Variants in KHDRBS2 observed in about 807,000 individuals in gnomAD.
KHDRBS2 encodes KH domain-containing, RNA-binding, signal transduction-associated protein 2.
Under a neutral mutation model 44.3 loss-of-function variants are expected in KHDRBS2, and 26 were observed. The ratio of observed to expected loss-of-function variants is 0.59; its 90% CI spans 0.43 to 0.81. The LOEUF (loss-of-function observed/expected upper bound fraction) is 0.81. KHDRBS2 is among the 40% of genes least tolerant of loss of function. The pLI, the probability that KHDRBS2 is intolerant of heterozygous loss-of-function variation, is 0.00. For missense variants in KHDRBS2, 476 were observed against 433.1 expected, an observed-to-expected ratio of 1.10 and a Z score of -0.88; for synonymous variants, 194 against 151.1, an observed-to-expected ratio of 1.28 and a Z score of -2.08.
chr6:62,123,019 T>G (rs1009351314), intron 2 of KHDRBS2, among the ~76,000 whole-genome samples: 4 of 151,880 alleles, frequency 2.6e-5, no homozygotes, highest in African/African-American at 9.7e-5. Flanking sequence ...AGATTTACAT[T>G]AAGTGTTTCT....
intron 6 of KHDRBS2, among the ~76,000 whole-genome samples, chr6:61,889,417 A>G (rs1177692343): frequency 6.6e-6 from 1 of 152,222 alleles, no homozygotes; most frequent in Non-Finnish European, 1.5e-5. Context: ...ATTCATTTCA[A>G]CAAACAGTGT....
At chr6:62,150,444 G>A (rs575106099) in intron 2 of KHDRBS2, among the ~76,000 whole-genome samples, 1 of 152,036 alleles carries the variant, frequency 6.6e-6, no homozygotes, top group African/African-American at 2.4e-5. Flanking sequence ...TTTTGTAAGC[G>A]GCCACTGATC....
the KHDRBS2 span, among the ~76,000 whole-genome samples, chr6:61,548,157 T>G: frequency 1.9e-3 from 296 of 152,270 alleles, 2 homozygotes; most frequent in African/African-American, 6.8e-3. Context: ...AAATGGATTC[T>G]GAAAATACAT....
the KHDRBS2 span, among the ~76,000 whole-genome samples, chr6:61,561,465 G>C: frequency 3.9e-5 from 6 of 152,168 alleles, no homozygotes; most frequent in Admixed American, 3.3e-4. Context: ...GGCAAGTTCA[G>C]AGATGCTGTC....
chr6:62,188,358 T>C (rs895975397), intron 1 of KHDRBS2, among the ~76,000 whole-genome samples: 2 of 152,286 alleles, frequency 1.3e-5, no homozygotes, highest in African/African-American at 4.8e-5. Context: ...TTTGCTTCCA[T>C]GCATTTGACT....
At chr6:61,907,728 A>G (rs1284759476) in intron 4 of KHDRBS2, among the ~76,000 whole-genome samples, 1 of 152,082 alleles carries the variant, frequency 6.6e-6, no homozygotes, top group Middle Eastern at 3.2e-3. Context: ...AACATATACA[A>G]TTTTCTAAAC....
chr6:61,585,921 A>G, the KHDRBS2 span, among the ~76,000 whole-genome samples: 3 of 152,140 alleles, frequency 2.0e-5, no homozygotes, highest in South Asian at 6.2e-4. Context: ...AAATTAGAGA[A>G]CAATTAACTT....
intron 6 of KHDRBS2, among the ~76,000 whole-genome samples, chr6:61,735,378 T>G (rs140113738): frequency 6.6e-6 from 1 of 152,282 alleles, no homozygotes; most frequent in Non-Finnish European, 1.5e-5. Flanking sequence ...AAATGTATTA[T>G]TATTACTCCT....
intron 2 of KHDRBS2, among the ~76,000 whole-genome samples, chr6:62,089,954 A>T (rs1406072297): frequency 2.0e-5 from 3 of 152,118 alleles, no homozygotes; most frequent in Non-Finnish European, 2.9e-5. Context: ...AGGCCAAGGA[A>T]CTGCAACGTC....
At chr6:61,814,641 G>A (rs1788627225) in intron 6 of KHDRBS2, among the ~76,000 whole-genome samples, 1 of 151,998 alleles carries the variant, frequency 6.6e-6, no homozygotes, top group African/African-American at 2.4e-5. Flanking sequence ...ACTATATATA[G>A]TGTTAATATG....
chr6:62,059,179 C>G (rs925003182), intron 2 of KHDRBS2, among the ~76,000 whole-genome samples: 21 of 118,958 alleles, frequency 1.8e-4, no homozygotes, highest in African/African-American at 6.2e-5. Context: ...AAATTATTTC[C>G]ACATAGAAAA....
intron 6 of KHDRBS2, among the ~76,000 whole-genome samples, chr6:61,794,429 G>T (rs1319846560): frequency 2.6e-5 from 4 of 152,136 alleles, no homozygotes; most frequent in African/African-American, 9.7e-5. Flanking sequence ...TGGCATGTTA[G>T]CCAGCTGTAT....
At chr6:62,208,541 T>A (rs1444671718) in intron 1 of KHDRBS2, among the ~76,000 whole-genome samples, 1 of 152,200 alleles carries the variant, frequency 6.6e-6, no homozygotes, top group African/African-American at 2.4e-5. Context: ...GCAATGAACA[T>A]GGGAATGCAG....
intron 3 of KHDRBS2, among the ~76,000 whole-genome samples, chr6:62,022,417 C>G (rs1782519553): frequency 6.6e-6 from 1 of 151,550 alleles, no homozygotes; most frequent in Non-Finnish European, 1.5e-5. Flanking sequence ...AATGGTAAAA[C>G]TGGAGAGTGT....
chr6:62,151,909 T>C (rs1815284443), intron 2 of KHDRBS2, among the ~76,000 whole-genome samples: 2 of 152,238 alleles, frequency 1.3e-5, no homozygotes, highest in Non-Finnish European at 2.9e-5. Flanking sequence ...AATATAAGTA[T>C]GTGGTCTGGA....
intron 1 of KHDRBS2, among the ~76,000 whole-genome samples, chr6:62,278,349 G>A (rs1841304120): frequency 6.6e-6 from 1 of 151,966 alleles, no homozygotes; most frequent in Admixed American, 6.6e-5. Context: ...GCTGCTGTGG[G>A]AACAAACAGC....
intron 7 of KHDRBS2, among the ~76,000 whole-genome samples, chr6:61,723,691 C>T (rs1433106568): frequency 6.6e-6 from 1 of 151,936 alleles, no homozygotes; most frequent in Non-Finnish European, 1.5e-5. Context: ...TCAGAAGTAT[C>T]AATAGCAGAA....
chr6:61,841,786 C>T (rs1372423341), intron 6 of KHDRBS2, among the ~76,000 whole-genome samples: 2 of 152,108 alleles, frequency 1.3e-5, no homozygotes, highest in African/African-American at 2.4e-5. Context: ...GCTACCAGGG[C>T]ACAACGCTTT....
At chr6:62,239,664 A>G (rs1834273583) in intron 1 of KHDRBS2, among the ~76,000 whole-genome samples, 1 of 152,082 alleles carries the variant, frequency 6.6e-6, no homozygotes, top group Non-Finnish European at 1.5e-5. Flanking sequence ...TGACAGGTGT[A>G]TATTTCTTAA....
Sources: allele counts gnomAD v4.1 joint callset (sites outside exome capture counted in the v4.1 genomes callset), GRCh38; gene constraint gnomAD v4.1.1; transcripts MANE v1.5; gene names NCBI Gene and HGNC (gene_info 2026-07-23, HGNC 2026-07-21).